FBXO3: variants seen among roughly 807,000 people sequenced by gnomAD.
FBXO3 encodes the protein F-box protein 3.
A neutral mutation model predicts 64.8 loss-of-function variants in FBXO3; 17 were observed. That is an observed-to-expected ratio of 0.26 (90% CI 0.18 to 0.39). The LOEUF (loss-of-function observed/expected upper bound fraction) is 0.39. Among genes scored for constraint, FBXO3 ranks in the 10% least tolerant of loss-of-function variants. The pLI is 1.00. For missense variants in FBXO3, 420 were observed against 589.9 expected, an observed-to-expected ratio of 0.71 and a Z score of 2.98; for synonymous variants, 182 against 201.6, an observed-to-expected ratio of 0.90 and a Z score of 0.82.
chr11:33,770,511 G>A (rs551659090), intron 2 of FBXO3, among the ~76,000 whole-genome samples: 1 of 152,362 alleles, frequency 6.6e-6, no homozygotes, highest in East Asian at 1.9e-4. Context: ...TTAGGAGCAT[G>A]CAGATAGTCA....
chr11:33,758,807 C>G (rs1855171005), intron 3 of FBXO3, among the ~76,000 whole-genome samples: 1 of 152,116 alleles, frequency 6.6e-6, no homozygotes, highest in African/African-American at 2.4e-5. Flanking sequence ...AGGGAAAACA[C>G]TGGCACTTAG....
intron 6 of FBXO3, chr11:33,753,784 G>A (rs772169325): frequency 1.3e-5 from 2 of 152,166 alleles, no homozygotes; most frequent in African/African-American, 2.4e-5. Context: ...CATATATGTA[G>A]ATGTTTAATA....
chr11:33,767,977 C>T lies in FBXO3; in HGVS notation c.358+874G>A, dbSNP rs181295195. 7.2e-5 allele frequency among the ~76,000 whole-genome samples: 11 copies of T among 152,136 alleles called. No individual in the cohort carries two copies. In the East Asian group the frequency reaches 1.9e-3, roughly 27 times the overall value. ...AGTTTCAAGCACCTCGTCATGCAAC[C>T]GTGATTTGTATGAAAGTAATATTTG... On this transcript the variant is annotated intron_variant, in intron 3 of 10. Transcript: ENST00000265651.
intron 1 of FBXO3, chr11:33,771,879 A>G (rs1855519715): frequency 6.6e-6 from 1 of 152,202 alleles, no homozygotes; most frequent in Non-Finnish European, 1.5e-5. Flanking sequence ...GCTAAATGAC[A>G]TAAAAGAATC....
chr11:33,768,913 G>C lies in FBXO3; in HGVS notation c.296C>G (p.Ala99Gly). ...YIDHYAAIKK[A>G]WDDLKKYLEP... ...CAAATATTTCTTGAGATCATCCCAG[G>C]CCTTTTTAATAGCAGCATAATGGTC... Residue 99 changes from alanine (A) to glycine (G), a missense_variant, in exon 3 of 11, where the codon GCC becomes GGC. By Grantham distance (60) the Ala-to-Gly change is moderately conservative. Coordinates refer to ENST00000265651, the MANE Select transcript of FBXO3 (RefSeq NM_012175.4). The C allele has an allele frequency of 6.2e-7, 1 of 1,614,076 alleles. No individual in the cohort carries two copies.
At position 33,749,039 on chromosome 11, in the gene FBXO3, T is replaced by C. The variant is rs193109765; in HGVS notation, c.933-147A>G. ...CCAAAGTCCATGTTAGCCATCTATT[T>C]TTCTAAGTTCTCAAAGATACTGGCT... is the stretch of plus-strand genomic sequence containing the variant. On this transcript the variant is annotated intron_variant, in intron 8 of 10. Coordinates refer to ENST00000265651, the MANE Select transcript of FBXO3 (RefSeq NM_012175.4). 1.5e-3 allele frequency: 725 copies of C among 494,354 alleles called. 2 individuals are homozygous for C. Among genetic ancestry groups the C allele is most frequent in the African/African-American group, 0.012 (647 of 52,330 alleles). 30.6% of individuals were successfully genotyped at this position (494,354 alleles called of 1,614,324 possible).
chr11:33,746,913 G>A, intron 10 of FBXO3: 1 of 1,424,082 alleles, frequency 7.0e-7, no homozygotes, highest in Non-Finnish European at 9.1e-7. Context: ...AAAACAAGTT[G>A]AATCTTTAAA....
intron 3 of FBXO3, among the ~76,000 whole-genome samples, chr11:33,766,413 T>C (rs1855373267): frequency 6.6e-6 from 1 of 152,252 alleles, no homozygotes; most frequent in Non-Finnish European, 1.5e-5. Flanking sequence ...GCAACACTCA[T>C]TTATTTATGC....
chr11:33,744,414 C>T (rs1854763591), intron 10 of FBXO3: 1 of 152,144 alleles, frequency 6.6e-6, no homozygotes, highest in Admixed American at 6.5e-5. Context: ...AACACACACA[C>T]CACCTAGACC....
At position 33,768,809 on chromosome 11, in the gene FBXO3, A is replaced by G. The variant is rs1255949376; in HGVS notation, c.358+42T>C. ...TGTTTAAACTAACCTATTTATACTA[A>G]CAGTAATGGAAACGGGGAAAGGGAC... On this transcript the variant is annotated intron_variant, in intron 3 of 10. Coordinates refer to ENST00000265651, the MANE Select transcript of FBXO3 (RefSeq NM_012175.4). 3 of 1,609,642 alleles carry G rather than the reference A, an allele frequency of 1.9e-6. No individual in the cohort carries two copies. The South Asian group carries it at 3.3e-5, about 18-fold the overall frequency.
chr11:33,773,505 G>A (rs576592383), intron 1 of FBXO3: 1 of 152,236 alleles, frequency 6.6e-6, no homozygotes, highest in Non-Finnish European at 1.5e-5. Flanking sequence ...TATCCTAAGA[G>A]GGCGACTTTG....
chr11:33,768,495 A>C (rs928361604), intron 3 of FBXO3, among the ~76,000 whole-genome samples: 3 of 152,206 alleles, frequency 2.0e-5, no homozygotes, highest in African/African-American at 7.2e-5. Flanking sequence ...AAACTGTATC[A>C]ACAGTGTTGA....
intron 8 of FBXO3, among the ~76,000 whole-genome samples, chr11:33,749,677 T>G (rs1854906668): frequency 6.6e-6 from 1 of 152,208 alleles, no homozygotes; most frequent in African/African-American, 2.4e-5. Context: ...GATTACACTT[T>G]GACTCTGTTT....
intron 1 of FBXO3, chr11:33,774,085 A>G: frequency 3.3e-6 from 1 of 302,266 alleles, no homozygotes; most frequent in Non-Finnish European, 6.3e-6. Flanking sequence ...GGGTCCGCGG[A>G]GCGCGGCGGT....
In FBXO3 at chr11:33,743,676, G is replaced by A. The variant is rs892834538; in HGVS notation, c.1240-1592C>T. ...AGCACACCAAGCACATTACTGTTTC[G>A]GAACCTCCACACGTGCTGCTCCTTT... On this transcript the variant is annotated intron_variant, in intron 10 of 10. Coordinates refer to ENST00000265651, the MANE Select transcript of FBXO3 (RefSeq NM_012175.4). This position sits in a 1 kb window ranked among gnomAD's most constrained non-coding sequence, Gnocchi z 4.6. The A allele has an allele frequency of 2.0e-5, 3 of 152,218 alleles. No individual in the cohort carries two copies. Among genetic ancestry groups the A allele is most frequent in the African/African-American group, 7.2e-5 (3 of 41,404 alleles). The allele number at this position is 152,218 out of a possible 1,614,324, so 9.4% of individuals were successfully genotyped here.
In FBXO3 at chr11:33,765,308, T is replaced by TA. The variant is rs771676617; in HGVS notation, c.358+3542dup. Reference sequence around the variant, plus strand: ...TTACTCCAAAATAAAAAGTTCATTTTAAAAAAAGAGAAATTTTAGTATAAA... The same window carrying TA: ...TTACTCCAAAATAAAAAGTTCATTTTAAAAAAAAGAGAAATTTTAGTATAAA... On this transcript the variant is annotated intron_variant, in intron 3 of 10. Transcript: ENST00000265651. 6.6e-5 allele frequency among the ~76,000 whole-genome samples: 10 copies of TA among 152,244 alleles called. No individual in the cohort carries two copies. The South Asian group carries it at 8.3e-4, about 13-fold the overall frequency.
chr11:33,770,413 A>T (rs984281261), intron 2 of FBXO3, among the ~76,000 whole-genome samples: 2 of 152,228 alleles, frequency 1.3e-5, no homozygotes, highest in African/African-American at 2.4e-5. Context: ...TAAGTGTGGG[A>T]CAGCCAATAG....
At chr11:33,746,936 C>A (rs1218734779) in intron 10 of FBXO3, 194 bp downstream of exon 10, 1 of 1,434,292 alleles carries the variant, frequency 7.0e-7, no homozygotes, top group Non-Finnish European at 9.1e-7. Context: ...AGCAGAAATT[C>A]TCTGGTTAGA....
At chr11:33,765,581 G>A (rs183846555) in intron 3 of FBXO3, among the ~76,000 whole-genome samples, 83 of 152,328 alleles carry the variant, frequency 5.4e-4, no homozygotes, top group African/African-American at 1.9e-3. Flanking sequence ...AGAAAGACTA[G>A]AGTTAATCTT....
Sources: allele counts gnomAD v4.1 joint callset (sites outside exome capture counted in the v4.1 genomes callset), GRCh38; gene constraint gnomAD v4.1.1; non-coding constraint Gnocchi (gnomAD v3.1); transcripts MANE v1.5; gene names NCBI Gene and HGNC (gene_info 2026-07-23, HGNC 2026-07-21).